Variants in PCDH15 observed in about 807,000 individuals in gnomAD.
PCDH15 encodes protocadherin-15.
Under a neutral mutation model 178.5 loss-of-function variants are expected in PCDH15, and 129 were observed. The ratio of observed to expected loss-of-function variants is 0.72; its 90% CI spans 0.63 to 0.84. The LOEUF is 0.84. Ranked by LOEUF, PCDH15 falls within the 40% of genes least tolerant of loss-of-function variation. PCDH15 has a pLI of 0.00. For synonymous variants in PCDH15, 800 were observed against 732.0 expected (o/e 1.09, Z -1.50); for missense variants, 2,230 against 2,099.9 (o/e 1.06, Z -1.21).
At chr10:55,548,507 A>C in intron 2 of PCDH15, among the ~76,000 whole-genome samples, 1 of 152,158 alleles carries the variant, frequency 6.6e-6, no homozygotes, top group East Asian at 1.9e-4. Flanking sequence ...CTCTCTAGAT[A>C]ATCCACAAAT....
chr10:54,320,565 C>T (rs373222918), intron 7 of PCDH15, among the ~76,000 whole-genome samples: 5 of 128,186 alleles, frequency 3.9e-5, no homozygotes, highest in South Asian at 2.5e-4. Context: ...TTAAAATAAG[C>T]GTATGTGTAT....
intron 28 of PCDH15, among the ~76,000 whole-genome samples, chr10:53,842,256 G>A (rs1256751225): frequency 6.6e-6 from 1 of 152,004 alleles, no homozygotes; most frequent in Non-Finnish European, 1.5e-5. Context: ...AAAGTCTCAG[G>A]TTTGTTTGTT....
intron 9 of PCDH15, among the ~76,000 whole-genome samples, chr10:54,235,638 TTAAA>T (rs1450670075): frequency 1.1e-4 from 17 of 152,204 alleles, no homozygotes. Flanking sequence ...TTAGAGTGCC[TTAAA>T]TATTGTATTT....
At chr10:54,969,136 G>C (rs1838868541) in intron 2 of PCDH15, among the ~76,000 whole-genome samples, 1 of 151,434 alleles carries the variant, frequency 6.6e-6, no homozygotes, top group African/African-American at 2.4e-5. Context: ...AAAATACCTA[G>C]TAATGTTTCA....
intron 3 of PCDH15, among the ~76,000 whole-genome samples, chr10:54,382,357 A>AC (rs1949345619): frequency 6.6e-6 from 1 of 152,178 alleles, no homozygotes; most frequent in African/African-American, 2.4e-5. Context: ...TGTAACTGCT[A>AC]ATATAGACTC....
chr10:53,900,378 G>C, intron 26 of PCDH15, among the ~76,000 whole-genome samples: 1 of 152,064 alleles, frequency 6.6e-6, no homozygotes, highest in East Asian at 1.9e-4. Context: ...TGAAGGGGGA[G>C]GGTTCCTTAG....
intron 2 of PCDH15, among the ~76,000 whole-genome samples, chr10:55,613,831 C>A (rs1843419992): frequency 6.6e-6 from 1 of 152,022 alleles, no homozygotes. Flanking sequence ...CCATTTAAAA[C>A]TAAAAGAAAA....
intron 18 of PCDH15, among the ~76,000 whole-genome samples, chr10:54,061,196 A>G (rs1340745015): frequency 6.6e-6 from 1 of 152,162 alleles, no homozygotes; most frequent in African/African-American, 2.4e-5. Context: ...TGAGGCCTCT[A>G]GTAAGAGGCC....
chr10:54,719,681 C>T (rs768847128), intron 1 of PCDH15, among the ~76,000 whole-genome samples: 4 of 151,982 alleles, frequency 2.6e-5, no homozygotes, highest in South Asian at 2.1e-4. Context: ...TCACCTCAGC[C>T]GCCACCCCCC....
At chr10:54,168,167 T>C (rs1229638043) in intron 13 of PCDH15, among the ~76,000 whole-genome samples, 1 of 152,064 alleles carries the variant, frequency 6.6e-6, no homozygotes, top group Non-Finnish European at 1.5e-5. Context: ...TAGTTCCAAA[T>C]AGCCAGAAAA....
chr10:54,960,188 A>C (rs949233356), intron 2 of PCDH15, among the ~76,000 whole-genome samples: 1 of 152,162 alleles, frequency 6.6e-6, no homozygotes, highest in African/African-American at 2.4e-5. Flanking sequence ...ACATCACTAG[A>C]TTCTAACATC....
At chr10:54,938,770 A>G (rs1054007086) in intron 2 of PCDH15, among the ~76,000 whole-genome samples, 2 of 152,200 alleles carry the variant, frequency 1.3e-5, no homozygotes, top group Non-Finnish European at 2.9e-5. Context: ...GGTGATTGCA[A>G]TCTAACCACA....
intron 2 of PCDH15, among the ~76,000 whole-genome samples, chr10:55,114,588 T>C (rs1837585415): frequency 6.6e-6 from 1 of 152,148 alleles, no homozygotes; most frequent in Non-Finnish European, 1.5e-5. Context: ...TAGGCCAATG[T>C]GGTATGAAAG....
At chr10:55,187,083 A>T (rs1211806622) in intron 1 of PCDH15, among the ~76,000 whole-genome samples, 1 of 151,906 alleles carries the variant, frequency 6.6e-6, no homozygotes, top group Non-Finnish European at 1.5e-5. Flanking sequence ...TTCCTCTTTT[A>T]TAACAAATAT....
intron 1 of PCDH15, among the ~76,000 whole-genome samples, chr10:55,203,135 C>G (rs763804591): frequency 2.0e-5 from 3 of 152,088 alleles, no homozygotes; most frequent in Non-Finnish European, 4.4e-5. Context: ...GGCTTGGACT[C>G]TAGCTCCTCC....
intron 2 of PCDH15, among the ~76,000 whole-genome samples, chr10:55,070,213 T>C (rs1196487521): frequency 2.0e-5 from 3 of 152,298 alleles, no homozygotes; most frequent in Admixed American, 6.5e-5. Context: ...GAAAATTTTC[T>C]TCCATTCTGT....
At position 55,254,187 on chromosome 10, in the gene PCDH15, G is replaced by A. The variant is rs141467919; in HGVS notation, c.-156+65412C>T. On this transcript the variant is annotated intron_variant, in intron 1 of 5. Coordinates refer to the PCDH15 transcript ENST00000458638. ...ACTAAAATCACGCTTTAAAAATCTG[G>A]TTATTTATATGTATGTCTAAAACCA... is the stretch of plus-strand genomic sequence containing the variant. Among the ~76,000 whole-genome samples the A allele has an allele frequency of 6.3e-3, 959 of 152,198 alleles. 4 individuals carry two copies. The highest frequency in any genetic ancestry group is 0.02 in the Middle Eastern group (6 of 294).
chr10:54,506,511 T>C (rs1322446556), intron 3 of PCDH15, among the ~76,000 whole-genome samples: 1 of 152,056 alleles, frequency 6.6e-6, no homozygotes, highest in Non-Finnish European at 1.5e-5. Flanking sequence ...TCCTAATACC[T>C]AGTAAGTAAT....
At chr10:55,625,497 A>G (rs1837508037) in intron 2 of PCDH15, among the ~76,000 whole-genome samples, 1 of 152,126 alleles carries the variant, frequency 6.6e-6, no homozygotes, top group African/African-American at 2.4e-5. Context: ...AATTAATTGG[A>G]CCCTCTTGAA....
Sources: gnomAD v4.1 joint callset for allele counts (sites outside exome capture counted in the v4.1 genomes callset) on GRCh38, gnomAD v4.1.1 for gene constraint, MANE v1.5 for transcripts, NCBI Gene and HGNC (gene_info 2026-07-23, HGNC 2026-07-21) for gene names.